PATJ: variants seen among roughly 807,000 people sequenced by gnomAD.
PATJ encodes the protein inaD-like protein.
Under a neutral mutation model 224.9 loss-of-function variants are expected in PATJ, and 190 were observed. The ratio of observed to expected loss-of-function variants is 0.84; its 90% CI spans 0.75 to 0.95. The LOEUF (loss-of-function observed/expected upper bound fraction) is 0.95, where lower values mean the gene tolerates loss of function less well. Ranked by LOEUF, PATJ falls within the 40% of genes least tolerant of loss-of-function variation. The pLI, the probability that PATJ is intolerant of heterozygous loss-of-function variation, is 0.00. For synonymous variants in PATJ, 769 were observed against 820.3 expected, an observed-to-expected ratio of 0.94 and a Z score of 1.07; for missense variants, 2,121 against 2,270.3, an observed-to-expected ratio of 0.93 and a Z score of 1.34.
intron 33 of PATJ, among the ~76,000 whole-genome samples, chr1:62,093,624 A>G (rs1308278833): frequency 6.6e-6 from 1 of 152,218 alleles, no homozygotes; most frequent in Non-Finnish European, 1.5e-5. Context: ...TCACAGTGAA[A>G]GAATGTTAAT....
intron 1 of PATJ, among the ~76,000 whole-genome samples, chr1:61,754,144 A>C (rs1370867394): frequency 8.5e-5 from 13 of 152,236 alleles, no homozygotes; most frequent in African/African-American, 3.1e-4. Flanking sequence ...ACAATGTGGC[A>C]TCTTAATTTC....
Position 61,823,040 on chromosome 1 carries a change from T to C in PATJ, c.1779T>C (p.Asp593=). The C allele has an allele frequency of 1.9e-6, 3 of 1,614,186 alleles. No homozygotes were observed. The highest frequency in any genetic ancestry group is 2.5e-6 in the Non-Finnish European group (3 of 1,179,998). The change falls in exon 15 of 44, where the codon GAT becomes GAC. Residue 593 remains aspartate (D), a synonymous_variant. Coordinates refer to ENST00000642238, the MANE Select transcript of PATJ (RefSeq NM_001350145.3). ...ISSIVSGGPV[D]TLGLLQPEDE... ...CAATTGTTTCTGGTGGTCCTGTTGA[T>C]ACATTGGGTCTCCTACAGCCAGAAG... is the stretch of plus-strand genomic sequence containing the variant.
chr1:61,873,673 C>T (rs748158910), intron 20 of PATJ, among the ~76,000 whole-genome samples: 3 of 152,168 alleles, frequency 2.0e-5, no homozygotes, highest in African/African-American at 7.2e-5. Context: ...AGGCAGGAGG[C>T]GGACAAAGGC....
intron 27 of PATJ, among the ~76,000 whole-genome samples, chr1:61,979,526 A>T (rs1888988): frequency 6.6e-6 from 1 of 151,744 alleles, no homozygotes; most frequent in South Asian, 2.1e-4. Flanking sequence ...GGTGGCGTGT[A>T]CCTGTAATCC....
chr1:62,034,497 T>A lies in PATJ; in HGVS notation c.3960-3480T>A, dbSNP rs180811483. On this transcript the variant is annotated intron_variant, in intron 29 of 43. Transcript: ENST00000642238. The stretch of plus-strand genomic sequence containing the variant: ...TAAAGCAAACAGATATCATTACTTA[T>A]GAGAATCATAGGATATGAGGGCTCA... Among the ~76,000 whole-genome samples, 5 of 151,656 alleles carry A rather than the reference T, an allele frequency of 3.3e-5. No homozygotes were observed. In the East Asian group the frequency reaches 9.7e-4, roughly 29 times the overall value.
intron 7 of PATJ, among the ~76,000 whole-genome samples, chr1:61,783,656 A>T (rs548510172): frequency 6.7e-4 from 99 of 147,146 alleles, no homozygotes; most frequent in African/African-American, 1.8e-3. Context: ...TAGGTTTAAA[A>T]TTTTTTTTTT....
chr1:61,869,744 G>A (rs1183343752), intron 20 of PATJ, among the ~76,000 whole-genome samples: 1 of 152,208 alleles, frequency 6.6e-6, no homozygotes, highest in African/African-American at 2.4e-5. Flanking sequence ...GGGAACTGGA[G>A]TACATGCCTG....
rs771557290 is a variant in PATJ, at chr1:62,017,962, T to A, written c.3959+15T>A. On this transcript the variant is annotated intron_variant, in intron 29 of 43. Coordinates refer to ENST00000642238, the MANE Select transcript of PATJ (RefSeq NM_001350145.3). The stretch of plus-strand genomic sequence containing the variant: ...GTTTTCATCAGGTAAGATTGCTAGA[T>A]CTGGTTTTGCAAAATCAAAGACCTC... 3.3e-6 allele frequency: 5 copies of A among 1,498,364 alleles called. No homozygotes were observed. In the South Asian group the frequency reaches 3.4e-5, roughly 10 times the overall value. 92.8% of individuals were successfully genotyped at this position (1,498,364 alleles called of 1,614,324 possible). A position where few individuals can be genotyped will look rare whatever the true frequency, so the allele number is the denominator to read the frequency against.
intron 21 of PATJ, among the ~76,000 whole-genome samples, chr1:61,882,606 G>C (rs1668253329): frequency 6.6e-6 from 1 of 151,974 alleles, no homozygotes; most frequent in South Asian, 2.1e-4. Context: ...TTTTGTTTTT[G>C]ATACAAGGTC....
chr1:61,971,833 A>AC (rs1420983532), intron 27 of PATJ, among the ~76,000 whole-genome samples: 1 of 151,630 alleles, frequency 6.6e-6, no homozygotes. Flanking sequence ...TCTCTTAAAA[A>AC]AAAAAAAAAT....
At chr1:61,958,373 C>T (rs1034852634) in intron 27 of PATJ, among the ~76,000 whole-genome samples, 3 of 152,226 alleles carry the variant, frequency 2.0e-5, no homozygotes, top group African/African-American at 2.4e-5. Context: ...CTAATTGTTT[C>T]TGGCAAATGG....
chr1:62,159,820 AG>A (rs1418562238), intron 43 of PATJ, among the ~76,000 whole-genome samples: 1 of 152,204 alleles, frequency 6.6e-6, no homozygotes, highest in Non-Finnish European at 1.5e-5. Context: ...CTGGGATTAC[AG>A]GCATGAGCCA....
At chr1:62,062,392 C>CTTTTTTTTTTTTTTTTTTTTTTTT (rs60747316) in intron 31 of PATJ, among the ~76,000 whole-genome samples, 12 of 28,480 alleles carry the variant, frequency 4.2e-4, no homozygotes, top group Non-Finnish European at 5.9e-4. Context: ...ATGTTGTCTT[C>CTTTTTTTTTTTTTTTTTTTTTTTT]TTTTTTTTTT....
intron 28 of PATJ, 45 bp downstream of exon 28, chr1:61,990,409 G>A: frequency 7.2e-7 from 1 of 1,394,178 alleles, no homozygotes; most frequent in South Asian, 1.4e-5. Flanking sequence ...GAAGTGGATG[G>A]GTGCAGTGGA....
intron 38 of PATJ, 138 bp from the exon 39 acceptor site, chr1:62,122,883 G>A (rs982306750): frequency 1.4e-5 from 6 of 415,294 alleles, no homozygotes; most frequent in Non-Finnish European, 2.5e-5. Flanking sequence ...GGATGCTGAG[G>A]AAGGGTACAA....
At chr1:61,920,702 C>CTTTTTTTTT (rs71582652) in intron 26 of PATJ, among the ~76,000 whole-genome samples, 3 of 89,508 alleles carry the variant, frequency 3.4e-5, no homozygotes, top group African/African-American at 4.3e-5. Context: ...GTATGGAATT[C>CTTTTTTTTT]TTTTTTTTTT....
rs751304494 is a variant in PATJ at position 61,787,865 on chromosome 1, AG to A, written c.963del (p.Met322CysfsTer28). ...TCTAAGGAACTGTGGGAATTCAGTC[AG>A]GATGCTCGTTGCTAGAGATCCAGCT... Reference protein sequence around the residue: ...QVLRNCGNSVRMLVARDPAGD... With the variant: ...QVLRNCGNSVXMLVARDPAGD... On this transcript the variant is annotated frameshift_variant, in exon 8 of 44. Coordinates refer to ENST00000642238, the MANE Select transcript of PATJ (RefSeq NM_001350145.3). LOFTEE classifies it high-confidence loss of function. 3 of 1,614,200 alleles carry A rather than the reference AG, an allele frequency of 1.9e-6. No homozygotes were observed. The highest frequency in any genetic ancestry group is 2.5e-6 in the Non-Finnish European group (3 of 1,180,014).
At chr1:61,759,257 T>C (rs1389713594) in intron 1 of PATJ, among the ~76,000 whole-genome samples, 4 of 152,166 alleles carry the variant, frequency 2.6e-5, no homozygotes, top group Non-Finnish European at 5.9e-5. Flanking sequence ...ATTTTATGTG[T>C]GGCCCAAACA....
At chr1:61,929,735 T>C (rs1317864798) in intron 27 of PATJ, among the ~76,000 whole-genome samples, 2 of 152,134 alleles carry the variant, frequency 1.3e-5, no homozygotes, top group Non-Finnish European at 2.9e-5. Context: ...CAGAAATAGG[T>C]ACAGCTGGGC....
Sources: gnomAD v4.1 joint callset for allele counts (sites outside exome capture counted in the v4.1 genomes callset) on GRCh38, gnomAD v4.1.1 for gene constraint, MANE v1.5 for transcripts, NCBI Gene and HGNC (gene_info 2026-07-23, HGNC 2026-07-21) for gene names.